Variants in INSR observed in about 807,000 individuals in gnomAD.
INSR encodes the protein insulin receptor, also known as IR.
A neutral mutation model predicts 142.6 loss-of-function variants in INSR; 67 were observed. That is an observed-to-expected ratio of 0.47 (90% confidence interval 0.39 to 0.58). The LOEUF (loss-of-function observed/expected upper bound fraction) is 0.58, where lower values mean the gene tolerates loss of function less well. INSR is among the 20% of genes least tolerant of loss of function. The probability of loss-of-function intolerance (pLI) is 0.00; values close to 1 mark genes in which losing one functional copy is unlikely to be tolerated. For missense variants in INSR, 1,248 were observed against 1,833.2 expected (o/e 0.68, Z 5.83); for synonymous variants, 756 against 743.1 (o/e 1.02, Z -0.28).
intron 2 of INSR, among the ~76,000 whole-genome samples, chr19:7,201,384 G>A (rs559721304): frequency 6.6e-6 from 1 of 152,050 alleles, no homozygotes; most frequent in South Asian, 2.1e-4. Flanking sequence ...CAGCACTTTG[G>A]GAGGCCGAGG....
chr19:7,178,243 TGGG>T (rs754976117), intron 3 of INSR, among the ~76,000 whole-genome samples: 6 of 47,336 alleles, frequency 1.3e-4, no homozygotes, highest in East Asian at 9.8e-4. Context: ...GGGTGACTTG[TGGG>T]GGGGGGGGTG....
rs754537233 is a variant in INSR, at chr19:7,168,062, G to T, written c.1516C>A (p.Arg506=). The T allele has an allele frequency of 8.1e-6, 13 of 1,613,916 alleles. No homozygotes were observed. Among genetic ancestry groups the T allele is most frequent in the Non-Finnish European group, 1.0e-5 (12 of 1,179,862 alleles). The change falls in exon 7 of 22, where the codon CGG becomes AGG. Residue 506 remains arginine (R), a synonymous_variant. Coordinates refer to ENST00000302850, the MANE Select transcript of INSR (RefSeq NM_000208.4). The surrounding 1 kb of genome is among the most constrained non-coding windows in gnomAD (Gnocchi z 4.3). The part of the protein sequence containing the change: ...ENELLKFSYI[R]TSFDKILLRW... ...AGCAAGATCTTGTCAAAAGATGTCC[G>T]AATGTAAGAAAATTTAAGTAACTCA...
At chr19:7,261,247 A>G (rs968477130) in intron 2 of INSR, among the ~76,000 whole-genome samples, 3 of 151,980 alleles carry the variant, frequency 2.0e-5, no homozygotes, top group Admixed American at 6.6e-5. Context: ...ACTTGGTTTG[A>G]TCGTGAACAT....
intron 16 of INSR, among the ~76,000 whole-genome samples, chr19:7,126,139 G>C (rs1030687034): frequency 2.6e-5 from 4 of 152,212 alleles, no homozygotes; most frequent in African/African-American, 9.6e-5. Context: ...GAGCCTAAGA[G>C]GCTAGATGGA....
intron 2 of INSR, among the ~76,000 whole-genome samples, chr19:7,265,650 G>A (rs867432451): frequency 1.5e-4 from 23 of 151,138 alleles, no homozygotes; most frequent in South Asian, 2.1e-4. Context: ...CAGGAGAACC[G>A]CTTGAACCCG....
rs1974618038 is a variant in INSR at position 7,192,215 on chromosome 19, A to C, written c.653-7578T>G. Among the ~76,000 whole-genome samples, 1 of 147,770 alleles carries C rather than the reference A, an allele frequency of 6.8e-6. No individual in the cohort carries two copies. The highest frequency in any genetic ancestry group is 1.5e-5 in the Non-Finnish European group (1 of 66,130). The stretch of plus-strand genomic sequence containing the variant: ...AAGAAAGAAAAAGAAAGAAAGGAGA[A>C]AGAAAAGAAAGAGAAAGAAGGAAGG... On this transcript the variant is annotated intron_variant, in intron 2 of 21. Coordinates refer to ENST00000302850, the MANE Select transcript of INSR (RefSeq NM_000208.4). This position sits in a 1 kb window ranked among gnomAD's most constrained non-coding sequence, Gnocchi z 4.2.
rs1434532619 is a variant in INSR, at chr19:7,114,357, C to T, written c.*2699G>A. The stretch of plus-strand genomic sequence containing the variant: ...CACCTTGCTGGGTTACCCCATATAT[C>T]AGATACATCATGACAGCCTGGAACT... On this transcript the variant is annotated 3_prime_UTR_variant, in exon 22 of 22. Transcript: ENST00000302850. 6.6e-6 allele frequency: 1 copy of T among 152,358 alleles called. No homozygotes were observed. The highest frequency in any genetic ancestry group is 1.5e-5 in the Non-Finnish European group (1 of 68,048). The allele number at this position is 152,358 out of a possible 1,614,324, so 9.4% of individuals were successfully genotyped here.
chr19:7,212,002 G>A (rs1306203804), intron 2 of INSR, among the ~76,000 whole-genome samples: 1 of 152,064 alleles, frequency 6.6e-6, no homozygotes, highest in Non-Finnish European at 1.5e-5. Context: ...CTTAAAGTAG[G>A]GTTTCTCAGC....
At chr19:7,244,542 A>AAAAAAGAAAG (rs1555686054) in intron 2 of INSR, among the ~76,000 whole-genome samples, 9 of 150,628 alleles carry the variant, frequency 6.0e-5, no homozygotes, top group African/African-American at 1.7e-4. Flanking sequence ...CAAAAAGAAA[A>AAAAAAGAAAG]AAAAAGATTT....
At chr19:7,177,537 T>C (rs11672896) in intron 3 of INSR, among the ~76,000 whole-genome samples, 30,920 of 151,422 alleles carry the variant, frequency 0.2, 3,500 homozygotes, top group South Asian at 0.25. Context: ...TTTGTTTTTG[T>C]TTTTTTTAAG....
chr19:7,217,162 C>G (rs1174164392), intron 2 of INSR, among the ~76,000 whole-genome samples: 1 of 151,964 alleles, frequency 6.6e-6, no homozygotes, highest in Non-Finnish European at 1.5e-5. Context: ...TGGTGAAAAG[C>G]CCAAAATGAG....
intron 2 of INSR, among the ~76,000 whole-genome samples, chr19:7,261,077 G>C (rs145801694): frequency 7.2e-5 from 11 of 151,772 alleles, no homozygotes; most frequent in African/African-American, 2.7e-4. Flanking sequence ...TTGTCGAGAC[G>C]GGGTTTCTCC....
intron 9 of INSR, 24 bp from the exon 10 acceptor site, chr19:7,152,951 G>T: frequency 6.3e-7 from 1 of 1,586,376 alleles, no homozygotes; most frequent in Non-Finnish European, 8.6e-7. Context: ...CAGAAAAGGG[G>T]GGCTCAAGTC....
chr19:7,147,466 C>T (rs770858511), intron 11 of INSR, among the ~76,000 whole-genome samples: 3 of 152,108 alleles, frequency 2.0e-5, no homozygotes, highest in East Asian at 1.9e-4. Flanking sequence ...TGAGTCACTG[C>T]GCCCAGCCTG....
chr19:7,185,351 T>G (rs1003543680), intron 2 of INSR, among the ~76,000 whole-genome samples: 1 of 152,170 alleles, frequency 6.6e-6, no homozygotes, highest in African/African-American at 2.4e-5. Flanking sequence ...CACTGTTAGC[T>G]CCTTTATTTT....
chr19:7,200,070 AG>A (rs1209166710), intron 2 of INSR, among the ~76,000 whole-genome samples: 18 of 152,192 alleles, frequency 1.2e-4, no homozygotes, highest in Non-Finnish European at 2.1e-4. Flanking sequence ...GGCAAAGTAC[AG>A]GATGAGAGGA....
intron 2 of INSR, among the ~76,000 whole-genome samples, chr19:7,237,899 C>A (rs899504883): frequency 2.6e-5 from 4 of 151,944 alleles, no homozygotes; most frequent in African/African-American, 9.7e-5. Context: ...TCAGATAGTT[C>A]TTTATAGCAA....
At chr19:7,232,476 G>A (rs899778269) in intron 2 of INSR, among the ~76,000 whole-genome samples, 6 of 152,186 alleles carry the variant, frequency 3.9e-5, no homozygotes, top group African/African-American at 1.4e-4. Flanking sequence ...TGACAGGCGT[G>A]AGCCACTGCA....
intron 2 of INSR, among the ~76,000 whole-genome samples, chr19:7,191,050 ACT>A (rs1359546556): frequency 6.6e-6 from 1 of 152,128 alleles, no homozygotes; most frequent in Non-Finnish European, 1.5e-5. Flanking sequence ...TAATCCCAGC[ACT>A]TTGGGAGGCC....
Sources: gnomAD v4.1 joint callset for allele counts (sites outside exome capture counted in the v4.1 genomes callset) on GRCh38, gnomAD v4.1.1 for gene constraint, Gnocchi (gnomAD v3.1) non-coding constraint, MANE v1.5 for transcripts, NCBI Gene and HGNC (gene_info 2026-07-23, HGNC 2026-07-21) for gene names.